PPP2R3A: variants seen among roughly 807,000 people sequenced by gnomAD.
PPP2R3A encodes protein phosphatase 2 regulatory subunit B''alpha.
Under a neutral mutation model 106.9 loss-of-function variants are expected in PPP2R3A, and 80 were observed. That is an observed-to-expected ratio of 0.75 (90% CI 0.62 to 0.90). The LOEUF (loss-of-function observed/expected upper bound fraction) is 0.90. Among genes scored for constraint, PPP2R3A ranks in the 40% least tolerant of loss-of-function variants. The pLI is 0.00. For synonymous variants in PPP2R3A, 483 were observed against 468.3 expected (o/e 1.03, Z -0.41); for missense variants, 1,386 against 1,350.4 (o/e 1.03, Z -0.41).
chr3:136,071,499 C>T (rs529929329), intron 6 of PPP2R3A, among the ~76,000 whole-genome samples: 8 of 152,122 alleles, frequency 5.3e-5, no homozygotes, highest in Non-Finnish European at 8.8e-5. Flanking sequence ...TCCTGTTAAC[C>T]GTGACACTCT....
intron 3 of PPP2R3A, among the ~76,000 whole-genome samples, chr3:136,036,801 G>A (rs907760223): frequency 1.3e-4 from 20 of 152,200 alleles, no homozygotes; most frequent in Admixed American, 5.2e-4. Flanking sequence ...GATCCCCTCA[G>A]TCCTCAGAGA....
intron 1 of PPP2R3A, among the ~76,000 whole-genome samples, chr3:135,976,523 C>G (rs1382890076): frequency 6.6e-6 from 1 of 152,198 alleles, no homozygotes; most frequent in African/African-American, 2.4e-5. Flanking sequence ...CACAACATAA[C>G]AGGTGCTTGC....
Position 136,040,976 on chromosome 3 carries a change from C to T in PPP2R3A, c.2366+14C>T, listed in dbSNP as rs1486471422. 1.2e-6 allele frequency: 2 copies of T among 1,605,552 alleles called. No individual in the cohort carries two copies. The highest frequency in any genetic ancestry group is 1.7e-6 in the Non-Finnish European group (2 of 1,173,796). On this transcript the variant is annotated intron_variant, in intron 4 of 13. Transcript: ENST00000264977. ...CATGTGGAGAAAGTAAGTATGTGAGCAGTCTCTCTGGAGCTAGGCAAAGAA... is the reference window on the plus strand; with the variant it reads ...CATGTGGAGAAAGTAAGTATGTGAGTAGTCTCTCTGGAGCTAGGCAAAGAA...
At chr3:136,013,247 C>T (rs1356065707) in intron 2 of PPP2R3A, among the ~76,000 whole-genome samples, 3 of 151,410 alleles carry the variant, frequency 2.0e-5, no homozygotes, top group Admixed American at 2.0e-4. Flanking sequence ...TGTTTATCCA[C>T]TCATTGATTG....
chr3:136,119,930 A>G (rs1398066614), intron 13 of PPP2R3A, among the ~76,000 whole-genome samples: 1 of 152,196 alleles, frequency 6.6e-6, no homozygotes, highest in East Asian at 1.9e-4. Flanking sequence ...CACTATTCAC[A>G]ATAGCAAAGA....
intron 10 of PPP2R3A, among the ~76,000 whole-genome samples, chr3:136,095,459 G>T (rs1397340741): frequency 6.6e-6 from 1 of 152,094 alleles, no homozygotes; most frequent in Non-Finnish European, 1.5e-5. Context: ...AGGTGTCAGT[G>T]GTCCCATTTT....
At chr3:136,131,301 A>T (rs1201038898) in intron 13 of PPP2R3A, among the ~76,000 whole-genome samples, 1 of 152,218 alleles carries the variant, frequency 6.6e-6, no homozygotes, top group Non-Finnish European at 1.5e-5. Context: ...ATCTACAAAG[A>T]ACTCAAACAA....
At chr3:136,080,452 G>A (rs1936747885) in intron 7 of PPP2R3A, among the ~76,000 whole-genome samples, 1 of 152,154 alleles carries the variant, frequency 6.6e-6, no homozygotes, top group Non-Finnish European at 1.5e-5. Flanking sequence ...CAAAAAGCCT[G>A]CACTACTTTC....
At chr3:136,069,608 A>C (rs1936365966) in intron 5 of PPP2R3A, among the ~76,000 whole-genome samples, 1 of 152,176 alleles carries the variant, frequency 6.6e-6, no homozygotes, top group African/African-American at 2.4e-5. Flanking sequence ...TATGTATAAT[A>C]ATAAGCCTAA....
At chr3:136,062,933 A>C (rs984285285) in intron 5 of PPP2R3A, among the ~76,000 whole-genome samples, 7 of 152,192 alleles carry the variant, frequency 4.6e-5, no homozygotes, top group Non-Finnish European at 8.8e-5. Flanking sequence ...TAAAGTTCGT[A>C]TGGAACCAAA....
At chr3:136,070,370 T>C (rs75125767) in intron 5 of PPP2R3A, 108 bp from the exon 6 acceptor site, 49,151 of 743,784 alleles carry the variant, frequency 0.066, 1,923 homozygotes, top group Non-Finnish European at 0.076. Context: ...TTATTCATTA[T>C]TGTAAAATAG....
At chr3:136,053,389 A>G (rs57952822) in intron 5 of PPP2R3A, among the ~76,000 whole-genome samples, 107 of 152,346 alleles carry the variant, frequency 7.0e-4, no homozygotes, top group African/African-American at 2.5e-3. Flanking sequence ...ATAAGTGACC[A>G]GAAGTAGGCT....
rs113788377 is a variant in PPP2R3A at position 136,120,136 on chromosome 3, G to T, written c.3329+13814G>T. Among the ~76,000 whole-genome samples the T allele has an allele frequency of 9.1e-4, 138 of 151,988 alleles. 1 individual carries two copies. The highest frequency in any genetic ancestry group is 6.7e-3 in the South Asian group (32 of 4,808). ...CCTTAACATATCCAGGCCTGTCCGG[G>T]GGGGGTGGGGGCTAGGGGAGTGATA... On this transcript the variant is annotated intron_variant, in intron 13 of 13. Transcript: ENST00000264977.
intron 5 of PPP2R3A, among the ~76,000 whole-genome samples, chr3:136,057,382 C>A (rs1305221928): frequency 6.6e-6 from 1 of 151,958 alleles, no homozygotes; most frequent in Non-Finnish European, 1.5e-5. Context: ...AACTGGAGGC[C>A]ATTATGTTAA....
In PPP2R3A at chr3:136,087,924, G is replaced by T; in HGVS notation, c.2830G>T (p.Val944Leu). 6.2e-7 allele frequency: 1 copy of T among 1,607,068 alleles called. No homozygotes were observed. The highest frequency in any genetic ancestry group is 8.5e-7 in the Non-Finnish European group (1 of 1,174,542). ...RIIERIFSGA[V>L]TRGKTIQKEG... ...TATTGAAAGGATATTCTCTGGTGCA[G>T]TAACAAGGTAAGAAAACGTTTAATG... Residue 944 changes from valine to leucine, a missense_variant, in exon 9 of 14, where the codon GTA becomes TTA. By Grantham distance (32) the Val-to-Leu change is conservative. Coordinates refer to ENST00000264977, the MANE Select transcript of PPP2R3A (RefSeq NM_002718.5).
At chr3:135,989,562 T>A (rs1933068997) in intron 1 of PPP2R3A, among the ~76,000 whole-genome samples, 1 of 152,094 alleles carries the variant, frequency 6.6e-6, no homozygotes, top group Non-Finnish European at 1.5e-5. Flanking sequence ...ATTCAGACAT[T>A]ATTCATCTAT....
chr3:135,972,166 GCTTT>G (rs1209334883), intron 1 of PPP2R3A, among the ~76,000 whole-genome samples: 1 of 152,152 alleles, frequency 6.6e-6, no homozygotes, highest in Non-Finnish European at 1.5e-5. Flanking sequence ...CCGCCAATTT[GCTTT>G]CTGTCTATAT....
At chr3:136,094,131 A>G (rs116304350) in intron 10 of PPP2R3A, among the ~76,000 whole-genome samples, 5,537 of 152,314 alleles carry the variant, frequency 0.036, 330 homozygotes, top group African/African-American at 0.12. Context: ...CACATACTGT[A>G]TGAATTCATT....
intron 11 of PPP2R3A, 94 bp from the exon 12 acceptor site, chr3:136,103,164 C>A: frequency 4.5e-6 from 3 of 664,418 alleles, no homozygotes; most frequent in East Asian, 2.8e-5. Flanking sequence ...TTATAATAAA[C>A]ATATACCTAT....
Sources: gnomAD v4.1 joint callset for allele counts (sites outside exome capture counted in the v4.1 genomes callset) on GRCh38, gnomAD v4.1.1 for gene constraint, MANE v1.5 for transcripts, NCBI Gene and HGNC (gene_info 2026-07-23, HGNC 2026-07-21) for gene names.